RASAL2: variants seen among roughly 807,000 people sequenced by gnomAD.
RASAL2 encodes RAS protein activator like 2, also known as ras GTPase-activating protein nGAP.
In RASAL2, 58 loss-of-function variants were observed where a neutral mutation model predicts 128.9. That is an observed-to-expected ratio of 0.45 (90% CI 0.36 to 0.56). The LOEUF (loss-of-function observed/expected upper bound fraction) is 0.56. Among genes scored for constraint, RASAL2 ranks in the 20% least tolerant of loss-of-function variants. The pLI is 0.00. For synonymous variants in RASAL2, 561 were observed against 580.8 expected, an observed-to-expected ratio of 0.97 and a Z score of 0.49; for missense variants, 1,360 against 1,601.6, an observed-to-expected ratio of 0.85 and a Z score of 2.57.
chr1:178,250,261 C>T (rs942265154), intron 1 of RASAL2, among the ~76,000 whole-genome samples: 2 of 152,132 alleles, frequency 1.3e-5, no homozygotes, highest in Non-Finnish European at 2.9e-5. Context: ...GCCTTTCTTT[C>T]AGAGATGACC....
intron 3 of RASAL2, among the ~76,000 whole-genome samples, chr1:178,324,193 C>G (rs1668922144): frequency 6.6e-6 from 1 of 152,154 alleles, no homozygotes; most frequent in Non-Finnish European, 1.5e-5. Context: ...CTCATAAAAT[C>G]ATGGAACCAG....
chr1:178,238,342 A>C (rs1370104076), intron 1 of RASAL2, among the ~76,000 whole-genome samples: 7 of 152,066 alleles, frequency 4.6e-5, no homozygotes, highest in Non-Finnish European at 1.0e-4. Context: ...TTGTTTCCAC[A>C]TTTGTGCTAT....
intron 17 of RASAL2, among the ~76,000 whole-genome samples, chr1:178,470,972 G>A (rs2102966823): frequency 6.6e-6 from 1 of 152,214 alleles, no homozygotes; most frequent in South Asian, 2.1e-4. Context: ...TTGAGAGGTT[G>A]GCAATAGGGG....
chr1:178,437,269 T>C (rs558374294), intron 5 of RASAL2, among the ~76,000 whole-genome samples: 1 of 152,188 alleles, frequency 6.6e-6, no homozygotes, highest in South Asian at 2.1e-4. Context: ...AGACTTGAAA[T>C]AACACCTGGA....
intron 1 of RASAL2, among the ~76,000 whole-genome samples, chr1:178,176,502 G>C (rs760072169): frequency 6.6e-5 from 10 of 151,594 alleles, no homozygotes; most frequent in Non-Finnish European, 1.5e-4. Context: ...CATTCTCATA[G>C]TTCTCTTTCA....
intron 1 of RASAL2, among the ~76,000 whole-genome samples, chr1:178,174,845 A>C (rs578205252): frequency 6.6e-6 from 1 of 152,308 alleles, no homozygotes; most frequent in African/African-American, 2.4e-5. Flanking sequence ...GCTTGCTTTA[A>C]AAAATAATCA....
At chr1:178,232,909 A>G (rs1664070489) in intron 1 of RASAL2, among the ~76,000 whole-genome samples, 1 of 152,194 alleles carries the variant, frequency 6.6e-6, no homozygotes, top group Non-Finnish European at 1.5e-5. Context: ...CTACTGGTCC[A>G]TAAAGGTGTT....
At chr1:178,467,163 A>G (rs1647798980) in intron 16 of RASAL2, among the ~76,000 whole-genome samples, 171 bp from the exon 17 acceptor site, 1 of 152,208 alleles carries the variant, frequency 6.6e-6, no homozygotes, top group African/African-American at 2.4e-5. Flanking sequence ...GGATCCAGGC[A>G]CAAGGAGAAA....
intron 17 of RASAL2, among the ~76,000 whole-genome samples, chr1:178,472,310 G>A (rs1215303522): frequency 1.3e-5 from 2 of 151,918 alleles, no homozygotes; most frequent in African/African-American, 4.8e-5. Flanking sequence ...TGTTTCTAAA[G>A]CATTTTTTTT....
At chr1:178,286,959 T>C (rs1404633736) in intron 2 of RASAL2, among the ~76,000 whole-genome samples, 1 of 152,148 alleles carries the variant, frequency 6.6e-6, no homozygotes, top group African/African-American at 2.4e-5. Flanking sequence ...CTTCTATCTT[T>C]CTAGCTCATT....
At chr1:178,433,498 G>A (rs541663715) in intron 5 of RASAL2, among the ~76,000 whole-genome samples, 1 of 152,146 alleles carries the variant, frequency 6.6e-6, no homozygotes, top group African/African-American at 2.4e-5. Flanking sequence ...TATAGTGCCT[G>A]ACCCATAATG....
At position 178,131,064 on chromosome 1, in the gene RASAL2, C is replaced by CA. The variant is rs374904588; in HGVS notation, c.202+36380dup. 3.7e-3 allele frequency among the ~76,000 whole-genome samples: 487 copies of CA among 132,778 alleles called. 4 individuals are homozygous for CA. Among genetic ancestry groups the CA allele is most frequent in the African/African-American group, 0.011 (387 of 35,586 alleles). 87.1% of individuals were successfully genotyped at this position (132,778 alleles called of 152,430 possible). On this transcript the variant is annotated intron_variant, in intron 1 of 17. Transcript: ENST00000367649. ...AGCGAGACTCTGTCTCAAAAACAAA[C>CA]AAAAAAAAAACAAAAAAAACCAAAA...
intron 3 of RASAL2, among the ~76,000 whole-genome samples, chr1:178,368,608 G>A (rs1371366548): frequency 1.3e-5 from 2 of 151,386 alleles, no homozygotes; most frequent in Non-Finnish European, 2.9e-5. Flanking sequence ...TTTTTATGTA[G>A]AAAATTATAG....
At chr1:178,291,544 T>C (rs1480090986) in intron 2 of RASAL2, among the ~76,000 whole-genome samples, 1 of 152,238 alleles carries the variant, frequency 6.6e-6, no homozygotes, top group East Asian at 1.9e-4. Flanking sequence ...CAGGTGTTTA[T>C]GTTCTGCCAT....
intron 1 of RASAL2, among the ~76,000 whole-genome samples, chr1:178,215,127 A>G (rs1663384682): frequency 1.3e-5 from 2 of 152,162 alleles, no homozygotes; most frequent in South Asian, 4.1e-4. Context: ...CATCCAACTG[A>G]TATATAGCAG....
intron 1 of RASAL2, among the ~76,000 whole-genome samples, chr1:178,210,179 T>C (rs1157510874): frequency 6.6e-6 from 1 of 152,186 alleles, no homozygotes; most frequent in Non-Finnish European, 1.5e-5. Context: ...TGGTTTTTCA[T>C]AGTTCTAGGA....
chr1:178,128,688 G>C (rs2102295527), intron 1 of RASAL2, among the ~76,000 whole-genome samples: 1 of 152,138 alleles, frequency 6.6e-6, no homozygotes, highest in Non-Finnish European at 1.5e-5. Flanking sequence ...TCTGTTTGCA[G>C]TTAATTCCCA....
At chr1:178,174,705 T>C (rs1661825496) in intron 1 of RASAL2, among the ~76,000 whole-genome samples, 4 of 152,182 alleles carry the variant, frequency 2.6e-5, no homozygotes, top group African/African-American at 9.6e-5. Context: ...TCCTGCTTCC[T>C]GCTTCTGCCT....
At chr1:178,182,315 C>A (rs1662144160) in intron 1 of RASAL2, among the ~76,000 whole-genome samples, 1 of 152,130 alleles carries the variant, frequency 6.6e-6, no homozygotes, top group African/African-American at 2.4e-5. Context: ...ATGCTCCAGG[C>A]CCATCTTACA....
Sources: allele counts gnomAD v4.1 joint callset (sites outside exome capture counted in the v4.1 genomes callset), GRCh38; gene constraint gnomAD v4.1.1; transcripts MANE v1.5; gene names NCBI Gene and HGNC (gene_info 2026-07-23, HGNC 2026-07-21).